LYST: variants seen among roughly 807,000 people sequenced by gnomAD.
LYST encodes lysosomal trafficking regulator, also known as lysosomal-trafficking regulator.
LYST carries 192 observed loss-of-function variants against 413.6 expected under a neutral mutation model. The observed-to-expected ratio is 0.46, with a 90% CI of 0.41 to 0.52. The LOEUF is 0.52. Among genes scored for constraint, LYST ranks in the 20% least tolerant of loss-of-function variants. LYST has a pLI of 0.00. For synonymous variants in LYST, 1,525 were observed against 1,567.3 expected, an observed-to-expected ratio of 0.97 and a Z score of 0.64; for missense variants, 3,815 against 4,499.9, an observed-to-expected ratio of 0.85 and a Z score of 4.35.
Position 235,800,971 on chromosome 1 carries a change from G to A in LYST, c.3839C>T (p.Ser1280Phe). 1 of 1,613,438 alleles carries A rather than the reference G, an allele frequency of 6.2e-7. No homozygotes were observed. The highest frequency in any genetic ancestry group is 8.5e-7 in the Non-Finnish European group (1 of 1,179,502). Residue 1280 changes from serine to phenylalanine, a missense_variant, in exon 9 of 53, where the codon TCT becomes TTT. By Grantham distance (155) the Ser-to-Phe change is radical. Transcript: ENST00000389793. ...EICMLELNLL[S>F]ASKAKLDVLA... ...CACATCAAGTTTGGCTTTACTAGCA[G>A]AAAGCAAATTTAATTCCAGCATACA...
chr1:235,875,775 T>C (rs1681107059), intron 1 of LYST, among the ~76,000 whole-genome samples: 1 of 151,712 alleles, frequency 6.6e-6, no homozygotes, highest in Non-Finnish European at 1.5e-5. Flanking sequence ...GCCCAGGAGT[T>C]TGAGGCTTGC....
At position 235,664,150 on chromosome 1, in the gene LYST, G is replaced by A. The variant is rs1658246960; in HGVS notation, c.11196-95C>T. On this transcript the variant is annotated intron_variant, in intron 51 of 52. Coordinates refer to ENST00000389793, the MANE Select transcript of LYST (RefSeq NM_000081.4). This position sits in a 1 kb window ranked among gnomAD's most constrained non-coding sequence, Gnocchi z 4.5. ...TTTATTTGTTAAAAATCATGTGGAAGGAAATGTAACAAACAATTAACAGTA... is the reference window on the plus strand; with the variant it reads ...TTTATTTGTTAAAAATCATGTGGAAAGAAATGTAACAAACAATTAACAGTA... 2 of 984,466 alleles carry A rather than the reference G, an allele frequency of 2.0e-6. No homozygotes were observed. Among genetic ancestry groups the A allele is most frequent in the African/African-American group, 1.6e-5 (1 of 63,210 alleles). The allele number at this position is 984,466 out of a possible 1,614,324, so 61.0% of individuals were successfully genotyped here.
At chr1:235,769,043 C>A (rs1205986213) in intron 20 of LYST, among the ~76,000 whole-genome samples, 3 of 152,062 alleles carry the variant, frequency 2.0e-5, no homozygotes, top group Non-Finnish European at 4.4e-5. Context: ...AAAACCATAT[C>A]CCTGCTTTCA....
In LYST at chr1:235,774,375, G is replaced by A. The variant is rs539601035; in HGVS notation, c.5635-384C>T. Among the ~76,000 whole-genome samples the A allele has an allele frequency of 2.8e-4, 42 of 152,288 alleles. 1 individual carries two copies. In the South Asian group the frequency reaches 7.9e-3, roughly 29 times the overall value. On this transcript the variant is annotated intron_variant, in intron 18 of 52. Coordinates refer to ENST00000389793, the MANE Select transcript of LYST (RefSeq NM_000081.4). ...GGGTGGAGGCAAGGGTAGAGCAATC[G>A]TCTTTTGCCTTAGTACCAGAAGTCT...
intron 1 of LYST, among the ~76,000 whole-genome samples, chr1:235,861,828 G>A (rs1679918910): frequency 6.6e-6 from 1 of 152,028 alleles, no homozygotes; most frequent in Non-Finnish European, 1.5e-5. Context: ...AGTTTTACAG[G>A]GCAAATTCTA....
At chr1:235,711,773 C>T (rs1213770685) in intron 43 of LYST, among the ~76,000 whole-genome samples, 1 of 151,732 alleles carries the variant, frequency 6.6e-6, no homozygotes, top group Non-Finnish European at 1.5e-5. Context: ...CTTTTGTATT[C>T]AGAAAAAAGA....
At chr1:235,755,681 C>T (rs765349035) in intron 24 of LYST, 34 bp from the exon 25 acceptor site, 3 of 1,126,820 alleles carry the variant, frequency 2.7e-6, no homozygotes, top group Non-Finnish European at 4.1e-6. Context: ...TTAGATAATG[C>T]ATTAAAATTA....
chr1:235,734,436 T>A (rs750594568), intron 32 of LYST, 47 bp downstream of exon 32: 1 of 1,420,124 alleles, frequency 7.0e-7, no homozygotes, highest in Non-Finnish European at 1.0e-6. Context: ...TCATTCTTTA[T>A]CTATGATGGA....
In LYST at chr1:235,773,738, C is replaced by A. The variant is rs562496399; in HGVS notation, c.5784+104G>T. 6 of 889,868 alleles carry A rather than the reference C, an allele frequency of 6.7e-6. 1 individual carries two copies. The South Asian group carries it at 7.2e-5, about 11-fold the overall frequency. 55.1% of individuals were successfully genotyped at this position (889,868 alleles called of 1,614,324 possible). The stretch of plus-strand genomic sequence containing the variant: ...ATGGTTGGACAACACTGTAAATGCA[C>A]TTAATGCCACTGAACTGAAACTTAA... On this transcript the variant is annotated intron_variant, in intron 19 of 52. Transcript: ENST00000389793.
In LYST at chr1:235,759,289, ACTGACAGAGACCTGGG is replaced by A; in HGVS notation, c.6548_6563del (p.Ala2183ValfsTer43). 1 of 1,614,106 alleles carries A rather than the reference ACTGACAGAGACCTGGG, an allele frequency of 6.2e-7. No individual in the cohort carries two copies. The stretch of plus-strand genomic sequence containing the variant: ...ATCCCAGCACTCCCTTTGGGACATC[ACTGACAGAGACCTGGG>A]CTGAGAGGACAGCTTCCATTTCACA... On this transcript the variant is annotated frameshift_variant, in exon 23 of 53. Transcript: ENST00000389793. LOFTEE classifies it high-confidence loss of function.
intron 13 of LYST, 112 bp downstream of exon 13, chr1:235,788,589 G>C: frequency 2.1e-6 from 2 of 947,536 alleles, no homozygotes; most frequent in South Asian, 2.8e-5. Context: ...TTTTAAATGA[G>C]ACTTTTTGTT....
At chr1:235,836,930 A>G (rs1295262060) in intron 1 of LYST, among the ~76,000 whole-genome samples, 3 of 152,242 alleles carry the variant, frequency 2.0e-5, no homozygotes, top group Non-Finnish European at 4.4e-5. Context: ...GAACTAGTGA[A>G]TCAATTTGGG....
chr1:235,756,019 C>CTA (rs1008353315), intron 24 of LYST, among the ~76,000 whole-genome samples: 2 of 117,176 alleles, frequency 1.7e-5, no homozygotes, highest in Non-Finnish European at 4.0e-5. Flanking sequence ...ATATCTATAT[C>CTA]TATATCTATA....
chr1:235,784,530 C>T (rs961612577), intron 14 of LYST, among the ~76,000 whole-genome samples: 2 of 152,072 alleles, frequency 1.3e-5, no homozygotes, highest in African/African-American at 4.8e-5. Flanking sequence ...AGCATGGGCC[C>T]TCCCTAGGGT....
At chr1:235,756,595 T>C (rs1371812644) in intron 24 of LYST, among the ~76,000 whole-genome samples, 1 of 152,140 alleles carries the variant, frequency 6.6e-6, no homozygotes, top group Non-Finnish European at 1.5e-5. Flanking sequence ...ATGAGAATCT[T>C]TACAAGATTA....
chr1:235,702,913 A>G lies in LYST; in HGVS notation c.10208T>C (p.Met3403Thr). ...DPVQRRALET[M>T]IKTYGQTPRQ... The stretch of plus-strand genomic sequence containing the variant: ...GGGAGTCTGCCCGTAGGTTTTTATC[A>G]TGGTTTCTAGCGCTCGTCTCTGAAC... Residue 3403 changes from methionine to threonine, a missense_variant, in exon 45 of 53, where the codon ATG (methionine) becomes ACG (threonine). By Grantham distance (81) the Met-to-Thr change is moderately conservative. Around this residue, in one of 4 missense-constraint regions of LYST, gnomAD observed 866 missense variants for 1,156.0 expected, o/e 0.75. Coordinates refer to ENST00000389793, the MANE Select transcript of LYST (RefSeq NM_000081.4). 1 of 1,614,172 alleles carries G rather than the reference A, an allele frequency of 6.2e-7. No homozygotes were observed. The highest frequency in any genetic ancestry group is 2.2e-5 in the East Asian group (1 of 44,872).
Position 235,788,722 on chromosome 1 carries a change from T to C in LYST, c.4667A>G (p.His1556Arg), listed in dbSNP as rs1376754823. The change falls in exon 13 of 53, where the codon CAC (histidine) becomes CGC (arginine). Residue 1556 changes from histidine to arginine, a missense_variant. Around this residue, in one of 4 missense-constraint regions of LYST, gnomAD observed 530 missense variants for 696.5 expected, o/e 0.76. Coordinates refer to ENST00000389793, the MANE Select transcript of LYST (RefSeq NM_000081.4). ...ALMIQVWADP[H>R]NATLIFRVCM... Reference sequence around the variant, plus strand: ...ATACCGAAAGATAAGAGTGGCATTGTGGGGATCAGCCCACACTTGGATCAT... The same window carrying C: ...ATACCGAAAGATAAGAGTGGCATTGCGGGGATCAGCCCACACTTGGATCAT... The C allele has an allele frequency of 6.2e-7, 1 of 1,613,790 alleles. No homozygotes were observed. The highest frequency in any genetic ancestry group is 1.3e-5 in the African/African-American group (1 of 74,912).
At chr1:235,748,710 G>T (rs1260419128) in intron 28 of LYST, among the ~76,000 whole-genome samples, 1 of 152,172 alleles carries the variant, frequency 6.6e-6, no homozygotes, top group Non-Finnish European at 1.5e-5. Flanking sequence ...GAATGAGGTT[G>T]TAAGATTAAT....
Position 235,702,799 on chromosome 1 carries a change from A to G in LYST, c.10322T>C (p.Val3441Ala). ...GELPAAVGLL[V>A]QFAFRETREQ... is the part of the protein sequence containing the mutation. Reference sequence around the variant, plus strand: ...TCGGGTCTCCCTGAAAGCAAACTGCACTAGCAACCCCACAGCAGCTGGAAG... The same window carrying G: ...TCGGGTCTCCCTGAAAGCAAACTGCGCTAGCAACCCCACAGCAGCTGGAAG... Residue 3441 changes from valine to alanine, a missense_variant, in exon 45 of 53, where the codon GTG (valine) becomes GCG (alanine). Val to Ala is a moderately conservative substitution (Grantham distance 64, BLOSUM62 0). This residue lies in a region of LYST where 866 missense variants were observed against 1,156.0 expected (regional missense o/e 0.75). Transcript: ENST00000389793. 1 of 1,614,192 alleles carries G rather than the reference A, an allele frequency of 6.2e-7. No individual in the cohort carries two copies. The highest frequency in any genetic ancestry group is 8.5e-7 in the Non-Finnish European group (1 of 1,180,018).
Sources: allele counts gnomAD v4.1 joint callset (sites outside exome capture counted in the v4.1 genomes callset), GRCh38; gene constraint gnomAD v4.1.1; regional missense constraint gnomAD v4.1.1; non-coding constraint Gnocchi (gnomAD v3.1); transcripts MANE v1.5; gene names NCBI Gene and HGNC (gene_info 2026-07-23, HGNC 2026-07-21).